Variants in VEPH1 observed in about 807,000 individuals in gnomAD.
VEPH1 encodes ventricular zone-expressed PH domain-containing protein homolog 1.
In VEPH1, 80 loss-of-function variants were observed where a neutral mutation model predicts 85.2. That is an observed-to-expected ratio of 0.94 (90% CI 0.78 to 1.13). The LOEUF is 1.13. Ranked by LOEUF, VEPH1 falls within the 50% of genes most tolerant of loss-of-function variation. VEPH1 has a pLI of 0.00. For synonymous variants in VEPH1, 297 were observed against 348.0 expected (o/e 0.85, Z 1.63); for missense variants, 955 against 980.5 (o/e 0.97, Z 0.35).
chr3:157,322,427 T>G (rs568488716), intron 9 of VEPH1, among the ~76,000 whole-genome samples: 1 of 152,350 alleles, frequency 6.6e-6, no homozygotes, highest in South Asian at 2.1e-4. Context: ...AACATGAGTA[T>G]GGAAATATCT....
At chr3:157,454,783 T>G (rs566944687) in intron 4 of VEPH1, among the ~76,000 whole-genome samples, 1 of 152,212 alleles carries the variant, frequency 6.6e-6, no homozygotes, top group Non-Finnish European at 1.5e-5. Flanking sequence ...AGTCCCCCAG[T>G]GTCTATCATT....
intron 12 of VEPH1, among the ~76,000 whole-genome samples, chr3:157,282,037 A>T (rs1237948723): frequency 6.6e-6 from 1 of 152,190 alleles, no homozygotes; most frequent in Non-Finnish European, 1.5e-5. Flanking sequence ...CCCCCAAAGG[A>T]GACCCACAAC....
rs1712814827 is a variant in VEPH1, at chr3:157,261,112, G to T, written c.*22C>A. 3.1e-6 allele frequency: 5 copies of T among 1,599,198 alleles called. No individual in the cohort carries two copies. Among genetic ancestry groups the T allele is most frequent in the Non-Finnish European group, 4.3e-6 (5 of 1,175,896 alleles). On this transcript the variant is annotated 3_prime_UTR_variant, in exon 14 of 14. Transcript: ENST00000362010. Reference sequence around the variant, plus strand: ...AATACAATGCCTGTGGTGTATAATTGTCATGGCTGACTTATAAATCCCTAC... The same window carrying T: ...AATACAATGCCTGTGGTGTATAATTTTCATGGCTGACTTATAAATCCCTAC...
intron 2 of VEPH1, among the ~76,000 whole-genome samples, chr3:157,493,539 A>G (rs566670336): frequency 6.6e-5 from 10 of 152,334 alleles, no homozygotes; most frequent in Non-Finnish European, 1.3e-4. Context: ...CTGTTCCATG[A>G]GAGGGTTACA....
At chr3:157,262,550 A>G (rs775833998) in intron 13 of VEPH1, among the ~76,000 whole-genome samples, 3 of 152,152 alleles carry the variant, frequency 2.0e-5, no homozygotes, top group South Asian at 2.1e-4. Flanking sequence ...TAAAAAAAAA[A>G]AGAGAAACAA....
intron 11 of VEPH1, among the ~76,000 whole-genome samples, chr3:157,294,433 T>C (rs977239764): frequency 6.6e-6 from 1 of 152,248 alleles, no homozygotes; most frequent in Admixed American, 6.5e-5. Context: ...ATTTGGTTTC[T>C]TGTTTGTTTC....
chr3:157,487,759 A>G (rs561895463), intron 2 of VEPH1, among the ~76,000 whole-genome samples: 1 of 152,280 alleles, frequency 6.6e-6, no homozygotes, highest in South Asian at 2.1e-4. Context: ...CTATATTTGA[A>G]AAATCTATTA....
intron 2 of VEPH1, among the ~76,000 whole-genome samples, chr3:157,494,566 C>T (rs1457917310): frequency 2.0e-5 from 3 of 152,180 alleles, no homozygotes; most frequent in African/African-American, 4.8e-5. Flanking sequence ...GGAGGTTTTA[C>T]ATCTGTCTGA....
At chr3:157,370,401 A>G (rs1727359432) in intron 7 of VEPH1, among the ~76,000 whole-genome samples, 1 of 152,222 alleles carries the variant, frequency 6.6e-6, no homozygotes, top group African/African-American at 2.4e-5. Context: ...CTGCAGAGTT[A>G]AGCTTGTTAA....
At chr3:157,314,691 G>C (rs56372031) in intron 10 of VEPH1, among the ~76,000 whole-genome samples, 37,093 of 151,976 alleles carry the variant, frequency 0.24, 4,966 homozygotes, top group South Asian at 0.34. Context: ...AATCAAATAT[G>C]AACAGTATGA....
At chr3:157,436,898 C>T (rs1317734063) in intron 4 of VEPH1, 2 of 1,606,012 alleles carry the variant, frequency 1.2e-6, no homozygotes, top group Non-Finnish European at 1.7e-6. Flanking sequence ...AGTCTCCTCC[C>T]GCCAGCTGTG....
At chr3:157,306,456 T>A (rs750095491) in intron 11 of VEPH1, among the ~76,000 whole-genome samples, 59 of 152,120 alleles carry the variant, frequency 3.9e-4, no homozygotes, top group Admixed American at 8.5e-4. Flanking sequence ...AATATCATAT[T>A]TTCAAGATTT....
At chr3:157,424,746 A>G (rs1280186064) in intron 5 of VEPH1, among the ~76,000 whole-genome samples, 1 of 152,202 alleles carries the variant, frequency 6.6e-6, no homozygotes, top group Non-Finnish European at 1.5e-5. Context: ...ATAAATTTCT[A>G]AGCAGCAAAG....
chr3:157,416,805 GAAAGGAAAGAGAA>G (rs1420087067), intron 5 of VEPH1, among the ~76,000 whole-genome samples: 2 of 150,170 alleles, frequency 1.3e-5, no homozygotes, highest in African/African-American at 2.5e-5. Flanking sequence ...AAGAAAGAGA[GAAAGGAAAGAGAA>G]AAAGGAAAGA....
At chr3:157,310,463 C>T (rs892261314) in intron 11 of VEPH1, among the ~76,000 whole-genome samples, 1 of 152,176 alleles carries the variant, frequency 6.6e-6, no homozygotes, top group African/African-American at 2.4e-5. Flanking sequence ...AAAGGACACA[C>T]AGCTGGTAAG....
At chr3:157,290,859 T>A (rs1306677644) in intron 11 of VEPH1, among the ~76,000 whole-genome samples, 2 of 152,218 alleles carry the variant, frequency 1.3e-5, no homozygotes, top group Non-Finnish European at 1.5e-5. Context: ...AACTCTATAA[T>A]AAGTCTAAGC....
intron 2 of VEPH1, among the ~76,000 whole-genome samples, chr3:157,485,925 T>G (rs961330671): frequency 1.3e-5 from 2 of 152,058 alleles, no homozygotes; most frequent in Non-Finnish European, 1.5e-5. Context: ...CAAATAACAA[T>G]CTTTAACTTG....
intron 12 of VEPH1, among the ~76,000 whole-genome samples, chr3:157,276,622 A>G (rs2108316367): frequency 6.6e-6 from 1 of 152,362 alleles, no homozygotes; most frequent in South Asian, 2.1e-4. Flanking sequence ...GGATGGCAGT[A>G]TAAGCTTACA....
At chr3:157,264,343 G>C (rs1713318066) in intron 13 of VEPH1, among the ~76,000 whole-genome samples, 1 of 152,062 alleles carries the variant, frequency 6.6e-6, no homozygotes, top group African/African-American at 2.4e-5. Context: ...GACACAGACT[G>C]AATTACACCA....
Sources: allele counts gnomAD v4.1 joint callset (sites outside exome capture counted in the v4.1 genomes callset), GRCh38; gene constraint gnomAD v4.1.1; transcripts MANE v1.5; gene names NCBI Gene and HGNC (gene_info 2026-07-23, HGNC 2026-07-21).